The following SNTG1 variants were observed in gnomAD, a reference collection of about 807,000 sequenced individuals.
The protein encoded by SNTG1 is syntrophin gamma 1.
In SNTG1, 39 loss-of-function variants were observed where a neutral mutation model predicts 74.7. That is an observed-to-expected ratio of 0.52 (90% CI 0.40 to 0.68). The LOEUF is 0.68. Among genes scored for constraint, SNTG1 ranks in the 30% least tolerant of loss-of-function variants. The pLI, the probability that SNTG1 is intolerant of heterozygous loss-of-function variation, is 0.00. For missense variants in SNTG1, 685 were observed against 609.5 expected (o/e 1.12, Z -1.30); for synonymous variants, 254 against 217.1 (o/e 1.17, Z -1.49).
intron 2 of SNTG1, among the ~76,000 whole-genome samples, chr8:50,351,054 C>G (rs2091644755): frequency 6.6e-6 from 1 of 152,208 alleles, no homozygotes; most frequent in African/African-American, 2.4e-5. Flanking sequence ...GGGTCTGCAG[C>G]TTCATTCTTG....
intron 15 of SNTG1, 121 bp downstream of exon 15, chr8:50,658,784 C>G: frequency 1.6e-6 from 1 of 635,700 alleles, no homozygotes; most frequent in Non-Finnish European, 2.7e-6. Context: ...ACGATAAAGA[C>G]AAATGAAAGA....
At chr8:50,435,045 C>G (rs935459649) in intron 4 of SNTG1, among the ~76,000 whole-genome samples, 1 of 151,938 alleles carries the variant, frequency 6.6e-6, no homozygotes, top group African/African-American at 2.4e-5. Context: ...CAATCTTTCT[C>G]TATATGCAAC....
intron 2 of SNTG1, among the ~76,000 whole-genome samples, chr8:50,342,345 C>T (rs2091341764): frequency 6.6e-6 from 1 of 152,100 alleles, no homozygotes; most frequent in Non-Finnish European, 1.5e-5. Context: ...GGCAAATTCA[C>T]CTGACATCAT....
At chr8:50,006,256 C>T (rs571282991) in intron 1 of SNTG1, among the ~76,000 whole-genome samples, 76 of 152,180 alleles carry the variant, frequency 5.0e-4, no homozygotes, top group Non-Finnish European at 7.8e-4. Context: ...CCACCGTGCC[C>T]GGCCTAGTAG....
chr8:50,390,229 A>C (rs2092637458), intron 2 of SNTG1, among the ~76,000 whole-genome samples: 1 of 152,218 alleles, frequency 6.6e-6, no homozygotes, highest in African/African-American at 2.4e-5. Flanking sequence ...CTAACATTTA[A>C]GTCTTTAATC....
At chr8:49,920,513 G>A (rs1315593897) in intron 1 of SNTG1, among the ~76,000 whole-genome samples, 3 of 151,892 alleles carry the variant, frequency 2.0e-5, no homozygotes, top group Admixed American at 2.0e-4. Context: ...CCTATTATAG[G>A]CTTGACTTGC....
intron 5 of SNTG1, among the ~76,000 whole-genome samples, chr8:50,448,117 G>A (rs9987212): frequency 0.09 from 13,716 of 152,114 alleles, 1,913 homozygotes; most frequent in African/African-American, 0.3. Flanking sequence ...GAACAAGTGG[G>A]AGCCATTGTA....
At chr8:50,068,737 C>T (rs1479956697) in intron 1 of SNTG1, among the ~76,000 whole-genome samples, 1 of 151,918 alleles carries the variant, frequency 6.6e-6, no homozygotes. Context: ...TCTGTAGTGC[C>T]TGAAACAATC....
intron 2 of SNTG1, among the ~76,000 whole-genome samples, chr8:50,293,464 C>A (rs2089221353): frequency 6.7e-6 from 1 of 149,778 alleles, no homozygotes; most frequent in Admixed American, 6.7e-5. Context: ...GGCTGGAGTG[C>A]AGTGGCATGA....
chr8:50,778,405 T>TGAGATGGTA (rs1288476749), intron 18 of SNTG1, among the ~76,000 whole-genome samples: 1 of 152,078 alleles, frequency 6.6e-6, no homozygotes, highest in African/African-American at 2.4e-5. Context: ...CTAACTGGTG[T>TGAGATGGTA]GAGATGGTAT....
intron 2 of SNTG1, among the ~76,000 whole-genome samples, chr8:50,194,141 A>AT (rs1410579325): frequency 6.6e-6 from 1 of 152,020 alleles, no homozygotes; most frequent in East Asian, 1.9e-4. Flanking sequence ...CTTTTCAGTT[A>AT]TGTCCTTTCC....
rs868712096 is a variant in SNTG1 at position 50,122,783 on chromosome 8, A to T, written c.-102-49778A>T. Among the ~76,000 whole-genome samples, 28 of 141,824 alleles carry T rather than the reference A, an allele frequency of 2.0e-4. 2 individuals are homozygous for T. Among genetic ancestry groups the T allele is most frequent in the African/African-American group, 6.9e-4 (27 of 39,234 alleles). The allele number at this position is 141,824 out of a possible 152,430, so 93.0% of individuals were successfully genotyped here. On this transcript the variant is annotated intron_variant, in intron 1 of 18. Coordinates refer to ENST00000642720, the MANE Select transcript of SNTG1 (RefSeq NM_018967.5). ...CACAGAGAAGAAATTCAAGAGATATACCAGCTAAAATACCCTAACAGTAGT... is the reference window on the plus strand; with the variant it reads ...CACAGAGAAGAAATTCAAGAGATATTCCAGCTAAAATACCCTAACAGTAGT...
rs1419137690 is a variant in SNTG1 at position 50,792,764 on chromosome 8, A to C, written c.1489A>C (p.Asn497His). ...TTGTTTGGACCCTCTATTTTTAGGCAATCAAGCTACTGCTTCTACTGCTGC... is the reference window on the plus strand; with the variant it reads ...TTGTTTGGACCCTCTATTTTTAGGCCATCAAGCTACTGCTTCTACTGCTGC... ...VACLDPLFLG[N>H]QATASTAASS... Residue 497 changes from asparagine (N) to histidine (H), a missense_variant, in exon 19 of 19, where the codon AAT becomes CAT. Coordinates refer to ENST00000642720, the MANE Select transcript of SNTG1 (RefSeq NM_018967.5). 6.2e-7 allele frequency: 1 copy of C among 1,612,632 alleles called. No homozygotes were observed. Among genetic ancestry groups the C allele is most frequent in the Admixed American group, 1.7e-5 (1 of 59,850 alleles).
chr8:50,179,751 A>G (rs1312426267), intron 2 of SNTG1, among the ~76,000 whole-genome samples: 1 of 152,232 alleles, frequency 6.6e-6, no homozygotes, highest in Non-Finnish European at 1.5e-5. Flanking sequence ...ATCTGTTAAG[A>G]TGGCTATAAT....
chr8:50,208,576 T>A (rs528369990), intron 2 of SNTG1, among the ~76,000 whole-genome samples: 3 of 152,210 alleles, frequency 2.0e-5, no homozygotes, highest in Non-Finnish European at 4.4e-5. Flanking sequence ...GGTTAATATT[T>A]GTTATCTGTG....
At chr8:50,707,103 T>C (rs938949430) in intron 16 of SNTG1, among the ~76,000 whole-genome samples, 2 of 152,044 alleles carry the variant, frequency 1.3e-5, no homozygotes, top group Non-Finnish European at 2.9e-5. Context: ...TGTATATAAA[T>C]TGAGACTTCA....
At chr8:50,227,921 C>CAAAAAAA (rs60255876) in intron 2 of SNTG1, among the ~76,000 whole-genome samples, 1 of 136,236 alleles carries the variant, frequency 7.3e-6, no homozygotes, top group Non-Finnish European at 1.6e-5. Flanking sequence ...AAACAACAAC[C>CAAAAAAA]AAAAAAAAAA....
At chr8:50,401,651 A>T (rs971394358) in intron 3 of SNTG1, among the ~76,000 whole-genome samples, 1 of 152,048 alleles carries the variant, frequency 6.6e-6, no homozygotes, top group African/African-American at 2.4e-5. Context: ...GTATGCATGC[A>T]TGCATGTGTT....
chr8:50,330,785 C>G (rs1343712277), intron 2 of SNTG1, among the ~76,000 whole-genome samples: 2 of 152,108 alleles, frequency 1.3e-5, no homozygotes, highest in African/African-American at 2.4e-5. Context: ...GCAGGACAGA[C>G]AGCATGTGGG....
Sources: gnomAD v4.1 joint callset for allele counts (sites outside exome capture counted in the v4.1 genomes callset) on GRCh38, gnomAD v4.1.1 for gene constraint, MANE v1.5 for transcripts, NCBI Gene and HGNC (gene_info 2026-07-23, HGNC 2026-07-21) for gene names.